The following MFAP1 variants were observed in gnomAD, a reference collection of about 807,000 sequenced individuals.
The protein encoded by MFAP1 is microfibril associated protein 1, also known as microfibrillar-associated protein 1.
A neutral mutation model predicts 62.2 loss-of-function variants in MFAP1; 18 were observed. The observed-to-expected ratio is 0.29, with a 90% CI of 0.20 to 0.43. MFAP1 has a LOEUF of 0.43. Among genes scored for constraint, MFAP1 ranks in the 20% least tolerant of loss-of-function variants. MFAP1 has a pLI of 1.00. For missense variants in MFAP1, 355 were observed against 559.7 expected, an observed-to-expected ratio of 0.63 and a Z score of 3.69; for synonymous variants, 175 against 180.4, an observed-to-expected ratio of 0.97 and a Z score of 0.24.
rs767129614 is a variant in MFAP1 at position 43,813,266 on chromosome 15, G to A, written c.709C>T (p.Arg237Cys). The A allele has an allele frequency of 6.2e-6, 10 of 1,613,624 alleles. No homozygotes were observed. The highest frequency in any genetic ancestry group is 3.3e-5 in the South Asian group (3 of 91,034). ...QEAKRMAEER[R>C]KYTLKIVEEE... ...CCCAGTACCTTGAGTGTGTACTTGC[G>A]CCTTTCCTCAGCCATGCGTTTTGCT... Residue 237 changes from arginine (R) to cysteine (C), a missense_variant, in exon 5 of 9, where the codon CGC (arginine) becomes TGC (cysteine). Coordinates refer to ENST00000267812, the MANE Select transcript of MFAP1 (RefSeq NM_005926.3).
chr15:43,820,533 CTAGA>C (rs1021362389), intron 1 of MFAP1, among the ~76,000 whole-genome samples: 6 of 152,106 alleles, frequency 3.9e-5, no homozygotes, highest in African/African-American at 1.2e-4. Context: ...AGAAAAAATG[CTAGA>C]TAAAAAACTT....
At chr15:43,814,817 C>T (rs939832355) in intron 3 of MFAP1, 128 bp downstream of exon 3, 5 of 1,492,012 alleles carry the variant, frequency 3.4e-6, no homozygotes. Flanking sequence ...CCTATCCCCA[C>T]AAACAAGGAA....
chr15:43,807,217 G>T (rs1329054421), intron 7 of MFAP1, among the ~76,000 whole-genome samples: 1 of 151,384 alleles, frequency 6.6e-6, no homozygotes, highest in Non-Finnish European at 1.5e-5. Flanking sequence ...TGGGCGTGGT[G>T]GTACACGCCT....
chr15:43,809,963 G>A, intron 6 of MFAP1, 49 bp from the exon 7 acceptor site: 2 of 1,596,146 alleles, frequency 1.3e-6, no homozygotes, highest in Non-Finnish European at 1.7e-6. Flanking sequence ...GCTTCAGAAA[G>A]ACCAAATTAT....
At position 43,818,524 on chromosome 15, in the gene MFAP1, A is replaced by AAC. The variant is rs201332528; in HGVS notation, c.80-1077_80-1076insGT. On this transcript the variant is annotated intron_variant, in intron 1 of 8. Transcript: ENST00000267812. ...ACTACCAAAAAAAAAAAAAGAAACA[A>AAC]AAAAAAAAAACCCCTAGACCAACAC... Among the ~76,000 whole-genome samples, 421 of 148,800 alleles carry AAC rather than the reference A, an allele frequency of 2.8e-3. 1 individual carries two copies. Among genetic ancestry groups the AAC allele is most frequent in the South Asian group, 7.4e-3 (35 of 4,742 alleles).
At chr15:43,816,174 TG>T (rs1457975742) in intron 2 of MFAP1, among the ~76,000 whole-genome samples, 1 of 152,068 alleles carries the variant, frequency 6.6e-6, no homozygotes, top group Non-Finnish European at 1.5e-5. Flanking sequence ...CTAGTAACTA[TG>T]GTTATGTGAG....
chr15:43,814,678 C>T lies in MFAP1; in HGVS notation c.440G>A (p.Arg147Gln), dbSNP rs1392487581. The T allele has an allele frequency of 1.9e-6, 3 of 1,613,842 alleles. No homozygotes were observed. Among genetic ancestry groups the T allele is most frequent in the Non-Finnish European group, 2.5e-6 (3 of 1,179,928 alleles). The change falls in exon 4 of 9, where the codon CGG becomes CAG. Residue 147 changes from arginine to glutamine, a missense_variant. By Grantham distance (43) the Arg-to-Gln change is conservative (BLOSUM62 1). This residue lies in a region of MFAP1 where 257 missense variants were observed against 341.3 expected (regional missense o/e 0.75). Coordinates refer to ENST00000267812, the MANE Select transcript of MFAP1 (RefSeq NM_005926.3). ...EEEIDDEEIERRRGMMRQRAQ... is the reference protein window; with the variant it reads ...EEEIDDEEIEQRRGMMRQRAQ... ...TCGCTGACGCATCATGCCACGCCGC[C>T]GCTCTATTTCCTATCAAGTCATATA...
intron 6 of MFAP1, among the ~76,000 whole-genome samples, chr15:43,811,510 C>CTT (rs373931995): frequency 4.5e-5 from 6 of 134,572 alleles, no homozygotes; most frequent in Non-Finnish European, 6.4e-5. Context: ...TTCTTTTTTT[C>CTT]TTTTTTTTTT....
chr15:43,809,779 A>G lies in MFAP1; in HGVS notation c.1023T>C (p.Tyr341=). The change falls in exon 7 of 9, where the codon TAT becomes TAC. Residue 341 remains tyrosine, a synonymous_variant. Transcript: ENST00000267812. Reference sequence around the variant, plus strand: ...CCATGAAGAAGGCACCCCGGTGATAATACTTCTGTAAGAACTTGTATTTGC... The same window carrying G: ...CCATGAAGAAGGCACCCCGGTGATAGTACTTCTGTAAGAACTTGTATTTGC... ...VKGKYKFLQK[Y]YHRGAFFMDE... The G allele has an allele frequency of 6.2e-7, 1 of 1,614,108 alleles. No individual in the cohort carries two copies. Among genetic ancestry groups the G allele is most frequent in the Non-Finnish European group, 8.5e-7 (1 of 1,179,972 alleles).
chr15:43,813,136 C>T lies in MFAP1; in HGVS notation c.738G>A (p.Glu246=). ...RRKYTLKIVE[E]ETKKELEENK... ...TCTCTTCCAGCTCTTTTTTGGTTTC[C>T]TCTTCGACAATCTGGATAGGGAGAA... is the stretch of plus-strand genomic sequence containing the variant. The change falls in exon 6 of 9, where the codon GAG becomes GAA. Residue 246 remains glutamate, a synonymous_variant. Transcript: ENST00000267812. 1 of 1,613,962 alleles carries T rather than the reference C, an allele frequency of 6.2e-7. No individual in the cohort carries two copies. The highest frequency in any genetic ancestry group is 8.5e-7 in the Non-Finnish European group (1 of 1,179,992).
chr15:43,808,304 G>A (rs2087378157), intron 7 of MFAP1, among the ~76,000 whole-genome samples: 1 of 152,218 alleles, frequency 6.6e-6, no homozygotes, highest in South Asian at 2.1e-4. Context: ...CTCTCGGGCT[G>A]AAGCAATCCT....
At chr15:43,821,694 C>T (rs1236543209) in intron 1 of MFAP1, among the ~76,000 whole-genome samples, 1 of 152,154 alleles carries the variant, frequency 6.6e-6, no homozygotes, top group Non-Finnish European at 1.5e-5. Context: ...AAAGACGCAA[C>T]TATGAAAAAC....
At chr15:43,812,163 C>T (rs935369401) in intron 6 of MFAP1, among the ~76,000 whole-genome samples, 1 of 149,030 alleles carries the variant, frequency 6.7e-6, no homozygotes, top group Non-Finnish European at 1.5e-5. Context: ...TCACTGCAGC[C>T]TGGGTGAAAA....
intron 1 of MFAP1, among the ~76,000 whole-genome samples, chr15:43,820,766 G>A (rs957939466): frequency 1.4e-4 from 21 of 151,636 alleles, no homozygotes; most frequent in Non-Finnish European, 2.8e-4. Flanking sequence ...ACACCATGCC[G>A]GTCTAATTTT....
intron 7 of MFAP1, among the ~76,000 whole-genome samples, chr15:43,807,030 G>A (rs192201530): frequency 6.6e-6 from 1 of 151,942 alleles, no homozygotes; most frequent in African/African-American, 2.4e-5. Flanking sequence ...CACCTGGAAT[G>A]TCTTCCCAGC....
rs561191306 is a variant in MFAP1 at position 43,807,416 on chromosome 15, T to C, written c.1048-1951A>G. ...CAGGCTAGAGTGCAGTGGCGTGATC[T>C]CGGCTCACTGCAAGTTCCGCCTCCC... is the stretch of plus-strand genomic sequence containing the variant. On this transcript the variant is annotated intron_variant, in intron 7 of 8. Transcript: ENST00000267812. Among the ~76,000 whole-genome samples the C allele has an allele frequency of 2.2e-3, 338 of 151,342 alleles. 3 individuals are homozygous for C. The highest frequency in any genetic ancestry group is 0.014 in the South Asian group (66 of 4,750).
At chr15:43,807,044 G>A (rs926116327) in intron 7 of MFAP1, among the ~76,000 whole-genome samples, 14 of 151,658 alleles carry the variant, frequency 9.2e-5, no homozygotes, top group African/African-American at 2.4e-4. Flanking sequence ...TCCCAGCACC[G>A]AATGTCAAAA....
At chr15:43,808,333 T>G (rs28674750) in intron 7 of MFAP1, among the ~76,000 whole-genome samples, 1 of 152,046 alleles carries the variant, frequency 6.6e-6, no homozygotes, top group Non-Finnish European at 1.5e-5. Context: ...AGCCCCTTGA[T>G]AGGTGACACT....
Position 43,813,058 on chromosome 15 carries a change from A to G in MFAP1, c.816T>C (p.Asp272=). 1 of 1,614,072 alleles carries G rather than the reference A, an allele frequency of 6.2e-7. No individual in the cohort carries two copies. The highest frequency in any genetic ancestry group is 8.5e-7 in the Non-Finnish European group (1 of 1,180,014). ...CTTTCCATGCCTCATATTCCTCCTC[A>G]TCATTTTCATCATCAGTATTGAGTG... is the stretch of plus-strand genomic sequence containing the variant. The part of the protein sequence containing the change: ...LDALNTDDEN[D]EEEYEAWKVR... The change falls in exon 6 of 9, where the codon GAT becomes GAC. Residue 272 remains aspartate (D), a synonymous_variant. Transcript: ENST00000267812.
Sources: allele counts gnomAD v4.1 joint callset (sites outside exome capture counted in the v4.1 genomes callset), GRCh38; gene constraint gnomAD v4.1.1; regional missense constraint gnomAD v4.1.1; transcripts MANE v1.5; gene names NCBI Gene and HGNC (gene_info 2026-07-23, HGNC 2026-07-21).